Variants in EPB41L4A observed in about 807,000 individuals in gnomAD.
The protein encoded by EPB41L4A is erythrocyte membrane protein band 4.1 like 4A.
A neutral mutation model predicts 108.6 loss-of-function variants in EPB41L4A; 100 were observed. That is an observed-to-expected ratio of 0.92 (90% CI 0.78 to 1.09). The LOEUF (loss-of-function observed/expected upper bound fraction) is 1.09. Among genes scored for constraint, EPB41L4A ranks in the 50% least tolerant of loss-of-function variants. The probability of loss-of-function intolerance (pLI) is 0.00; values close to 1 mark genes in which losing one functional copy is unlikely to be tolerated. For missense variants in EPB41L4A, 1,030 were observed against 842.7 expected (o/e 1.22, Z -2.75); for synonymous variants, 319 against 289.0 (o/e 1.10, Z -1.05).
chr5:112,268,423 G>A (rs933350323), intron 4 of EPB41L4A, among the ~76,000 whole-genome samples: 1 of 152,006 alleles, frequency 6.6e-6, no homozygotes, highest in African/African-American at 2.4e-5. Flanking sequence ...AGAGACAACT[G>A]TGAGAATTAT....
intron 1 of EPB41L4A, among the ~76,000 whole-genome samples, chr5:112,398,513 C>T (rs1348397116): frequency 6.6e-6 from 1 of 152,112 alleles, no homozygotes; most frequent in Admixed American, 6.5e-5. Flanking sequence ...CTCAGCCTTC[C>T]GAGTAGCTGG....
chr5:112,161,408 C>T, downstream of EPB41L4A: 1 of 440,850 alleles, frequency 2.3e-6, no homozygotes, highest in Non-Finnish European at 4.5e-6. Context: ...AATGTATTGT[C>T]CGTTTTTAGG....
At chr5:112,402,973 A>AT (rs888032360) in intron 1 of EPB41L4A, among the ~76,000 whole-genome samples, 7 of 152,130 alleles carry the variant, frequency 4.6e-5, no homozygotes, top group African/African-American at 9.7e-5. Flanking sequence ...TGGTATTTAA[A>AT]TGTCATGTCA....
chr5:112,338,214 C>T (rs1405711196), intron 1 of EPB41L4A, among the ~76,000 whole-genome samples: 1 of 152,182 alleles, frequency 6.6e-6, no homozygotes, highest in African/African-American at 2.4e-5. Context: ...TCTTCTCACA[C>T]CCCTGAGTAT....
chr5:112,179,825 AG>A (rs764657913), intron 18 of EPB41L4A, among the ~76,000 whole-genome samples: 13 of 152,172 alleles, frequency 8.5e-5, no homozygotes, highest in Non-Finnish European at 1.6e-4. Context: ...AGCCAGTGTA[AG>A]GGAAGGAACA....
chr5:112,290,528 A>G (rs1753579228), intron 2 of EPB41L4A, among the ~76,000 whole-genome samples: 1 of 152,178 alleles, frequency 6.6e-6, no homozygotes, highest in African/African-American at 2.4e-5. Context: ...TGGACTCTAA[A>G]ATAATCAATC....
In EPB41L4A at chr5:112,194,598, G is replaced by T; in HGVS notation, c.1472C>A (p.Ser491Tyr). The change falls in exon 17 of 23, where the codon TCT (serine) becomes TAT (tyrosine). Residue 491 changes from serine to tyrosine, a missense_variant. Coordinates refer to ENST00000261486, the MANE Select transcript of EPB41L4A (RefSeq NM_022140.5). ...TCTCTTTTTCCGGTATTCTCTATTAGAATTTTCTGATTCACTACCACTGCT... is the reference window on the plus strand; with the variant it reads ...TCTCTTTTTCCGGTATTCTCTATTATAATTTTCTGATTCACTACCACTGCT... ...NTSSGSESEN[S>Y]NREYRKKRNR... The T allele has an allele frequency of 6.2e-7, 1 of 1,604,970 alleles. No homozygotes were observed. The highest frequency in any genetic ancestry group is 1.7e-5 in the Admixed American group (1 of 58,968).
intron 1 of EPB41L4A, among the ~76,000 whole-genome samples, chr5:112,377,301 A>G (rs1759883704): frequency 6.6e-6 from 1 of 152,102 alleles, no homozygotes; most frequent in Admixed American, 6.6e-5. Flanking sequence ...TCAATATCCT[A>G]CTTGTGATAG....
downstream of EPB41L4A, chr5:112,161,507 T>A: frequency 1.9e-6 from 1 of 519,166 alleles, no homozygotes; most frequent in Non-Finnish European, 3.8e-6. Flanking sequence ...GCCCATTCAC[T>A]TTGGAAACTA....
intron 17 of EPB41L4A, among the ~76,000 whole-genome samples, chr5:112,194,360 T>C (rs1008531333): frequency 3.3e-5 from 5 of 152,122 alleles, no homozygotes; most frequent in Non-Finnish European, 5.9e-5. Flanking sequence ...AGGGACCTCA[T>C]TGTCAAGTTG....
At chr5:112,283,398 G>A (rs544435622) in intron 2 of EPB41L4A, among the ~76,000 whole-genome samples, 3 of 152,168 alleles carry the variant, frequency 2.0e-5, no homozygotes, top group Non-Finnish European at 4.4e-5. Context: ...TCAACCAAGG[G>A]AAAGATGTGA....
At chr5:112,329,655 T>G (rs1756421317) in intron 1 of EPB41L4A, among the ~76,000 whole-genome samples, 1 of 152,220 alleles carries the variant, frequency 6.6e-6, no homozygotes, top group Non-Finnish European at 1.5e-5. Context: ...CCCTTTCTGA[T>G]TTTATCTGTT....
chr5:112,259,332 T>C lies in EPB41L4A; in HGVS notation c.732-40A>G, dbSNP rs374960812. 8.4e-6 allele frequency: 13 copies of C among 1,551,730 alleles called. No homozygotes were observed. In the African/African-American group the frequency reaches 1.6e-4, roughly 19 times the overall value. Reference sequence around the variant, plus strand: ...AGATGGTGTTGCTGCTGTTTTTAAGTATTAACCTTTCAGAAAATCAGGGAA... The same window carrying C: ...AGATGGTGTTGCTGCTGTTTTTAAGCATTAACCTTTCAGAAAATCAGGGAA... On this transcript the variant is annotated intron_variant, in intron 8 of 22. Transcript: ENST00000261486.
At chr5:112,317,498 A>T (rs1024523788) in intron 1 of EPB41L4A, among the ~76,000 whole-genome samples, 1 of 152,198 alleles carries the variant, frequency 6.6e-6, no homozygotes. Flanking sequence ...TCCTTCTAAT[A>T]CAGCAGTGAT....
At chr5:112,246,940 T>A (rs1750280265) in intron 9 of EPB41L4A, among the ~76,000 whole-genome samples, 1 of 152,212 alleles carries the variant, frequency 6.6e-6, no homozygotes, top group Non-Finnish European at 1.5e-5. Flanking sequence ...CATAGACCTG[T>A]CTCCCTGGCA....
intron 9 of EPB41L4A, among the ~76,000 whole-genome samples, chr5:112,254,365 C>T (rs1378676604): frequency 6.6e-6 from 1 of 152,142 alleles, no homozygotes; most frequent in Non-Finnish European, 1.5e-5. Context: ...TGCAGTGAGT[C>T]CCCTCTTGTC....
At chr5:112,416,312 T>C (rs1380846834) in intron 1 of EPB41L4A, among the ~76,000 whole-genome samples, 1 of 152,170 alleles carries the variant, frequency 6.6e-6, no homozygotes, top group African/African-American at 2.4e-5. Flanking sequence ...TAATCTTTTC[T>C]AATTCACAGT....
intron 11 of EPB41L4A, among the ~76,000 whole-genome samples, chr5:112,235,258 G>A (rs1749248893): frequency 6.6e-6 from 1 of 152,180 alleles, no homozygotes; most frequent in Non-Finnish European, 1.5e-5. Context: ...AAGTGTCCAG[G>A]AAGACTGAAG....
intron 1 of EPB41L4A, among the ~76,000 whole-genome samples, chr5:112,401,204 A>T (rs1761728549): frequency 1.3e-5 from 2 of 152,192 alleles, no homozygotes; most frequent in African/African-American, 4.8e-5. Flanking sequence ...TAAAAAGTTG[A>T]TTGTGACTCC....
Sources: gnomAD v4.1 joint callset for allele counts (sites outside exome capture counted in the v4.1 genomes callset) on GRCh38, gnomAD v4.1.1 for gene constraint, MANE v1.5 for transcripts, NCBI Gene and HGNC (gene_info 2026-07-23, HGNC 2026-07-21) for gene names.